The following PAOX variants were observed in gnomAD, a reference collection of about 807,000 sequenced individuals.
The protein encoded by PAOX is peroxisomal N(1)-acetyl-spermine/spermidine oxidase.
Under a neutral mutation model 39.0 loss-of-function variants are expected in PAOX, and 38 were observed. The observed-to-expected ratio is 0.97, with a 90% CI of 0.75 to 1.28. PAOX has a LOEUF of 1.28. Ranked by LOEUF, PAOX falls within the 50% of genes most tolerant of loss-of-function variation. The pLI is 0.00. For synonymous variants in PAOX, 311 were observed against 314.4 expected, an observed-to-expected ratio of 0.99 and a Z score of 0.11; for missense variants, 667 against 685.7, an observed-to-expected ratio of 0.97 and a Z score of 0.30.
chr10:133,388,230 G>A (rs1849578309), intron 4 of PAOX, among the ~76,000 whole-genome samples: 1 of 152,098 alleles, frequency 6.6e-6, no homozygotes, highest in African/African-American at 2.4e-5. Flanking sequence ...TTGTTGTACA[G>A]ATTAGTTCTA....
At position 133,389,847 on chromosome 10, in the gene PAOX, G is replaced by T. The variant is rs540275650; in HGVS notation, c.1392+100G>T. ...CACCAGCCAGTGGCGGGTGGGCTGGGATCCCAGACTCGGAAGCCATTTTCT... is the reference window on the plus strand; with the variant it reads ...CACCAGCCAGTGGCGGGTGGGCTGGTATCCCAGACTCGGAAGCCATTTTCT... On this transcript the variant is annotated intron_variant, in intron 6 of 6. Coordinates refer to ENST00000278060, the MANE Select transcript of PAOX (RefSeq NM_152911.4). 3.9e-6 allele frequency: 5 copies of T among 1,272,192 alleles called. No individual in the cohort carries two copies. The South Asian group carries it at 9.8e-5, about 25-fold the overall frequency. The allele number at this position is 1,272,192 out of a possible 1,614,324, so 78.8% of individuals were successfully genotyped here. A position where few individuals can be genotyped will look rare whatever the true frequency, so the allele number is the denominator to read the frequency against.
At chr10:133,387,397 G>C (rs1025221737) in intron 4 of PAOX, among the ~76,000 whole-genome samples, 4 of 152,340 alleles carry the variant, frequency 2.6e-5, no homozygotes, top group Admixed American at 2.6e-4. Context: ...AAGTCTTTCA[G>C]GATTGGGAAG....
At position 133,391,328 on chromosome 10, in the gene PAOX, C is replaced by T. The variant is rs759754333; in HGVS notation, c.1409C>T (p.Ala470Val). The change falls in exon 7 of 7, where the codon GCG becomes GTG. Residue 470 changes from alanine (A) to valine (V), a missense_variant. Physicochemically the swap from Ala to Val is moderately conservative, Grantham distance 64. Coordinates refer to ENST00000278060, the MANE Select transcript of PAOX (RefSeq NM_152911.4). ...TCTTTGCAGCTCCAGATCCTGTTTG[C>T]GGGGGAAGCCACACATCGCACGTTT... ...GAGAQLQILF[A>V]GEATHRTFYS... is the part of the protein sequence containing the mutation. 9.7e-5 allele frequency: 157 copies of T among 1,613,266 alleles called. No individual in the cohort carries two copies. Among genetic ancestry groups the T allele is most frequent in the Non-Finnish European group, 1.2e-4 (145 of 1,180,008 alleles).
At chr10:133,381,379 G>A in intron 2 of PAOX, 81 bp from the exon 3 acceptor site, 3 of 1,359,144 alleles carry the variant, frequency 2.2e-6, no homozygotes, top group Non-Finnish European at 3.1e-6. Context: ...GATGCGGGTG[G>A]GAACTCAGAG....
intron 6 of PAOX, 57 bp downstream of exon 6, chr10:133,389,804 G>T (rs1849628364): frequency 1.4e-6 from 2 of 1,399,420 alleles, no homozygotes; most frequent in Non-Finnish European, 1.8e-6. Context: ...CCCCCGCCGA[G>T]TCTGGGCGCT....
chr10:133,381,376 G>A (rs1338431505), intron 2 of PAOX, 84 bp from the exon 3 acceptor site: 2 of 1,323,810 alleles, frequency 1.5e-6, no homozygotes, highest in East Asian at 2.4e-5. Flanking sequence ...TTTGATGCGG[G>A]TGGGAACTCA....
chr10:133,380,959 C>T, intron 2 of PAOX, among the ~76,000 whole-genome samples: 1 of 152,232 alleles, frequency 6.6e-6, no homozygotes, highest in Non-Finnish European at 1.5e-5. Context: ...ACCTGGGCGA[C>T]AGAGTGAGAC....
chr10:133,383,504 G>A (rs1231588410), intron 3 of PAOX, among the ~76,000 whole-genome samples: 1 of 151,666 alleles, frequency 6.6e-6, no homozygotes, highest in African/African-American at 2.4e-5. Flanking sequence ...TTGGGAAGCT[G>A]AGGCAGGAGA....
chr10:133,389,435 G>A (rs574427311), intron 5 of PAOX, among the ~76,000 whole-genome samples, 155 bp from the exon 6 acceptor site: 17 of 152,294 alleles, frequency 1.1e-4, no homozygotes, highest in African/African-American at 3.8e-4. Context: ...GGTCAGAGGC[G>A]GCAGGAAGAG....
chr10:133,390,263 A>G (rs1849639855), intron 6 of PAOX, among the ~76,000 whole-genome samples: 1 of 151,550 alleles, frequency 6.6e-6, no homozygotes, highest in African/African-American at 2.4e-5. Context: ...TTTCTAAAAG[A>G]TAAAGACATC....
In PAOX at chr10:133,380,181, G is replaced by A. The variant is rs1424318131; in HGVS notation, c.364G>A (p.Val122Met). 5 of 1,611,914 alleles carry A rather than the reference G, an allele frequency of 3.1e-6. No individual in the cohort carries two copies. The highest frequency in any genetic ancestry group is 1.1e-5 in the South Asian group (1 of 91,034). The change falls in exon 2 of 7, where the codon GTG becomes ATG. Residue 122 changes from valine (V) to methionine (M), a missense_variant. By Grantham distance (21) the Val-to-Met change is conservative. Coordinates refer to ENST00000278060, the MANE Select transcript of PAOX (RefSeq NM_152911.4). ...GAGCTACGCCAGCTCCGGGGCCAGCGTGAGCCTCCAGCTGGTGGCGGAGAT... is the reference window on the plus strand; with the variant it reads ...GAGCTACGCCAGCTCCGGGGCCAGCATGAGCCTCCAGCTGGTGGCGGAGAT... Reference protein sequence around the residue: ...SVSYASSGASVSLQLVAEMAT... With the variant: ...SVSYASSGASMSLQLVAEMAT...
In PAOX at chr10:133,384,607, T is replaced by C. The variant is rs1849486256; in HGVS notation, c.1121+395T>C. 6.6e-6 allele frequency among the ~76,000 whole-genome samples: 1 copy of C among 152,082 alleles called. No homozygotes were observed. The highest frequency in any genetic ancestry group is 6.6e-5 in the Admixed American group (1 of 15,260). On this transcript the variant is annotated intron_variant, in intron 4 of 6. Transcript: ENST00000278060. This position sits in a 1 kb window ranked among gnomAD's most constrained non-coding sequence, Gnocchi z 4.3. ...GGGATGAAATAATTGAAGGAAACAT[T>C]CCGAGAAGTAATGGAATGGGAGACC...
rs1196152064 is a variant in PAOX, at chr10:133,384,221, G to A, written c.1121+9G>A. The stretch of plus-strand genomic sequence containing the variant: ...GTCCTGCCTGCCTTTGCGTACGTTT[G>A]CTCCCTGAGAAGTTCTGCGAGTGGC... On this transcript the variant is annotated intron_variant, in intron 4 of 6. Transcript: ENST00000278060. The surrounding 1 kb of genome is among the most constrained non-coding windows in gnomAD (Gnocchi z 4.3). 2 of 1,611,400 alleles carry A rather than the reference G, an allele frequency of 1.2e-6. No individual in the cohort carries two copies. Among genetic ancestry groups the A allele is most frequent in the Non-Finnish European group, 1.7e-6 (2 of 1,178,612 alleles).
chr10:133,383,855 A>G, intron 3 of PAOX, 105 bp from the exon 4 acceptor site: 2 of 1,392,510 alleles, frequency 1.4e-6, no homozygotes, highest in African/African-American at 2.9e-5. Flanking sequence ...ATGTGTCTGT[A>G]GGATAAACAC....
chr10:133,391,650 G>T lies in PAOX; in HGVS notation c.*195G>T, dbSNP rs1177239964. The T allele has an allele frequency of 3.7e-6, 3 of 813,182 alleles. No individual in the cohort carries two copies. The Admixed American group carries it at 9.5e-5, about 26-fold the overall frequency. The allele number at this position is 813,182 out of a possible 1,614,324, so 50.4% of individuals were successfully genotyped here. On this transcript the variant is annotated 3_prime_UTR_variant, in exon 7 of 7. Coordinates refer to ENST00000278060, the MANE Select transcript of PAOX (RefSeq NM_152911.4). ...AGGGTTGACTTGAGCTGAGACACCA[G>T]ATGCTCACGGAGATGCTGGACACAT...
At chr10:133,379,694 G>C in intron 1 of PAOX, 197 bp downstream of exon 1, 1 of 567,238 alleles carries the variant, frequency 1.8e-6, no homozygotes, top group Non-Finnish European at 2.7e-6. Context: ...GCGCCGGCCA[G>C]GGAAGGCGAC....
At chr10:133,385,786 T>C (rs936056386) in intron 4 of PAOX, among the ~76,000 whole-genome samples, 1 of 152,012 alleles carries the variant, frequency 6.6e-6, no homozygotes, top group Non-Finnish European at 1.5e-5. Flanking sequence ...GGTTTCACCG[T>C]GTTAGCCAGG....
At position 133,381,597 on chromosome 10, in the gene PAOX, C is replaced by T. The variant is rs139393085; in HGVS notation, c.806C>T (p.Ser269Leu). ...TTTCCCGGGGAGACCTTTCCAGTGT[C>T]GGTAGAGTGTGAGGATGGAGACCGG... ...AAFPGETFPVSVECEDGDRFP... is the reference protein window; with the variant it reads ...AAFPGETFPVLVECEDGDRFP... Residue 269 changes from serine (S) to leucine (L), a missense_variant, in exon 3 of 7, where the codon TCG becomes TTG. Physicochemically the swap from Ser to Leu is moderately radical, Grantham distance 145 (BLOSUM62 -2). Coordinates refer to ENST00000278060, the MANE Select transcript of PAOX (RefSeq NM_152911.4). 141 of 1,613,632 alleles carry T rather than the reference C, an allele frequency of 8.7e-5. 1 individual carries two copies. The Admixed American group carries it at 9.3e-4, about 11-fold the overall frequency.
rs138484398 is a variant in PAOX at position 133,381,502 on chromosome 10, G to A, written c.711G>A (p.Pro237=). Reference sequence around the variant, plus strand: ...CAAACTGCATGATGGCCGCCCTGCCGGAGGACACTGTAGTTTTTGAGAAGC... The same window carrying A: ...CAAACTGCATGATGGCCGCCCTGCCAGAGGACACTGTAGTTTTTGAGAAGC... ...GLTNCMMAAL[P]EDTVVFEKPV... Residue 237 remains proline (P), a synonymous_variant, in exon 3 of 7, where the codon CCG becomes CCA. Transcript: ENST00000278060. 2.7e-5 allele frequency: 43 copies of A among 1,613,572 alleles called. No individual in the cohort carries two copies. The highest frequency in any genetic ancestry group is 1.3e-4 in the East Asian group (6 of 44,902).
Sources: allele counts gnomAD v4.1 joint callset (sites outside exome capture counted in the v4.1 genomes callset), GRCh38; gene constraint gnomAD v4.1.1; non-coding constraint Gnocchi (gnomAD v3.1); transcripts MANE v1.5; gene names NCBI Gene and HGNC (gene_info 2026-07-23, HGNC 2026-07-21).